ANKRD13B: variants seen among roughly 807,000 people sequenced by gnomAD.
ANKRD13B encodes the protein ankyrin repeat domain 13B.
Under a neutral mutation model 74.4 loss-of-function variants are expected in ANKRD13B, and 33 were observed. That is an observed-to-expected ratio of 0.44 (90% CI 0.34 to 0.59). The LOEUF is 0.59. Among genes scored for constraint, ANKRD13B ranks in the 20% least tolerant of loss-of-function variants. The pLI is 0.02. For missense variants in ANKRD13B, 676 were observed against 877.9 expected, an observed-to-expected ratio of 0.77 and a Z score of 2.91; for synonymous variants, 341 against 362.9, an observed-to-expected ratio of 0.94 and a Z score of 0.68.
chr17:29,609,129 G>A lies in ANKRD13B; in HGVS notation c.609G>A (p.Val203=), dbSNP rs764926539. 1.9e-6 allele frequency: 3 copies of A among 1,612,016 alleles called. No homozygotes were observed. In the South Asian group the frequency reaches 3.3e-5, roughly 18 times the overall value. ...TGGAGATTGACCACGACCGCCGGGT[G>A]GTGTACACAGAGACTCTGGCACTGG... The part of the protein sequence containing the change: ...VVMEIDHDRR[V]VYTETLALAG... The change falls in exon 6 of 15, where the codon GTG becomes GTA. Residue 203 remains valine (V), a synonymous_variant. Coordinates refer to ENST00000394859, the MANE Select transcript of ANKRD13B (RefSeq NM_152345.5). The surrounding 1 kb of genome is among the most constrained non-coding windows in gnomAD (Gnocchi z 4.0).
At chr17:29,610,831 T>G in intron 8 of ANKRD13B, 65 bp downstream of exon 8, 1 of 1,496,580 alleles carries the variant, frequency 6.7e-7, no homozygotes, top group Non-Finnish European at 9.2e-7. Context: ...CCCACTTCAG[T>G]GCTTCCATCA....
rs147140187 is a variant in ANKRD13B, at chr17:29,607,645, G to T, written c.115-97G>T. ...TGGTGAGGCAGAGCAGCCCCAGCAG[G>T]GGGTGGGGGTTGCTGCCTGCTCCAG... On this transcript the variant is annotated intron_variant, in intron 1 of 14. Coordinates refer to ENST00000394859, the MANE Select transcript of ANKRD13B (RefSeq NM_152345.5). The T allele has an allele frequency of 7.4e-6, 11 of 1,477,430 alleles. No individual in the cohort carries two copies. The African/African-American group carries it at 1.1e-4, about 15-fold the overall frequency. The allele number at this position is 1,477,430 out of a possible 1,614,324, so 91.5% of individuals were successfully genotyped here.
chr17:29,597,551 G>A (rs964352650), intron 1 of ANKRD13B, among the ~76,000 whole-genome samples: 35 of 152,078 alleles, frequency 2.3e-4, no homozygotes, highest in African/African-American at 7.7e-4. Context: ...AGGAATCTCC[G>A]TTCTCTTGGT....
chr17:29,606,443 A>G (rs1177545731), intron 1 of ANKRD13B, among the ~76,000 whole-genome samples: 1 of 151,752 alleles, frequency 6.6e-6, no homozygotes, highest in East Asian at 2.0e-4. Context: ...CTGTAATCCC[A>G]GCTACTCAGA....
chr17:29,613,425 G>T lies in ANKRD13B; in HGVS notation c.1724G>T (p.Gly575Val). The change falls in exon 15 of 15, where the codon GGG becomes GTG. Residue 575 changes from glycine (G) to valine (V), a missense_variant. This residue lies in a region of ANKRD13B where 108 missense variants were observed against 90.3 expected (regional missense o/e 1.20). Coordinates refer to ENST00000394859, the MANE Select transcript of ANKRD13B (RefSeq NM_152345.5). The stretch of plus-strand genomic sequence containing the variant: ...GTGCCCAGCCCTCGGCCCAGCTCAG[G>T]GCCAGGTTCCGGCGGCCACGTGTTC... ...ASVPSPRPSS[G>V]PGSGGHVFRS... 1 of 1,528,372 alleles carries T rather than the reference G, an allele frequency of 6.5e-7. No individual in the cohort carries two copies. 94.7% of individuals were successfully genotyped at this position (1,528,372 alleles called of 1,614,324 possible).
At chr17:29,605,003 C>T (rs1310878123) in intron 1 of ANKRD13B, among the ~76,000 whole-genome samples, 2 of 152,198 alleles carry the variant, frequency 1.3e-5, no homozygotes, top group African/African-American at 4.8e-5. Context: ...TTGGTGAGCT[C>T]TGAGAATTTA....
Position 29,611,231 on chromosome 17 carries a change from A to C in ANKRD13B, c.905-348A>C, listed in dbSNP as rs532133818. Reference sequence around the variant, plus strand: ...GAACAACATGAAATCATGCCTATGGAAGTGCCTGAAGCAAACACACACACG... The same window carrying C: ...GAACAACATGAAATCATGCCTATGGCAGTGCCTGAAGCAAACACACACACG... On this transcript the variant is annotated intron_variant, in intron 8 of 14. Transcript: ENST00000394859. The surrounding 1 kb of genome is among the most constrained non-coding windows in gnomAD (Gnocchi z 4.3). Among the ~76,000 whole-genome samples the C allele has an allele frequency of 5.3e-5, 8 of 152,300 alleles. No individual in the cohort carries two copies. The South Asian group carries it at 8.3e-4, about 16-fold the overall frequency.
chr17:29,609,664 A>G lies in ANKRD13B; in HGVS notation c.822+243A>G, dbSNP rs116395945. Among the ~76,000 whole-genome samples the G allele has an allele frequency of 0.043, 6,566 of 152,316 alleles. 211 individuals are homozygous for G. Among genetic ancestry groups the G allele is most frequent in the African/African-American group, 0.089 (3,681 of 41,572 alleles). On this transcript the variant is annotated intron_variant, in intron 7 of 14. Coordinates refer to ENST00000394859, the MANE Select transcript of ANKRD13B (RefSeq NM_152345.5). This position sits in a 1 kb window ranked among gnomAD's most constrained non-coding sequence, Gnocchi z 4.0. ...ATTCCTCACAGCAACCCTTTCTGGT[A>G]GGTGCTGTTCTGTTAGTATTCCCAT...
Position 29,613,599 on chromosome 17 carries a change from C to G in ANKRD13B, c.*17C>G. Reference sequence around the variant, plus strand: ...GAGCAGTAGCGCCCCCTGCCGGGACCCTCGCCAGCGCCACGCGCGCCACGC... The same window carrying G: ...GAGCAGTAGCGCCCCCTGCCGGGACGCTCGCCAGCGCCACGCGCGCCACGC... On this transcript the variant is annotated 3_prime_UTR_variant, in exon 15 of 15. Transcript: ENST00000394859. 7.1e-7 allele frequency: 1 copy of G among 1,408,852 alleles called. No individual in the cohort carries two copies. The highest frequency in any genetic ancestry group is 9.3e-7 in the Non-Finnish European group (1 of 1,079,578). 87.3% of individuals were successfully genotyped at this position (1,408,852 alleles called of 1,614,324 possible). A position where few individuals can be genotyped will look rare whatever the true frequency, so the allele number is the denominator to read the frequency against.
chr17:29,610,025 T>C (rs2034524234), intron 7 of ANKRD13B, among the ~76,000 whole-genome samples: 2 of 152,000 alleles, frequency 1.3e-5, no homozygotes, highest in Non-Finnish European at 2.9e-5. Flanking sequence ...ACCCCGTCTC[T>C]ACTAACAATA....
chr17:29,613,323 G>A, intron 14 of ANKRD13B, 31 bp from the exon 15 acceptor site: 3 of 1,400,660 alleles, frequency 2.1e-6, no homozygotes, highest in Non-Finnish European at 2.8e-6. Context: ...GGTGCGCCCG[G>A]GAGCCCGCGA....
intron 1 of ANKRD13B, among the ~76,000 whole-genome samples, chr17:29,601,056 T>G (rs111430893): frequency 4.0e-5 from 6 of 149,698 alleles, no homozygotes; most frequent in African/African-American, 1.2e-4. Flanking sequence ...TCCCAGTAGC[T>G]GGGACGATAG....
At chr17:29,600,922 CTTTTTT>C (rs35831588) in intron 1 of ANKRD13B, among the ~76,000 whole-genome samples, 2,215 of 125,684 alleles carry the variant, frequency 0.018, 28 homozygotes, top group South Asian at 0.059. Context: ...ATTTTACTGA[CTTTTTT>C]TTTTTTTTTT....
At position 29,593,204 on chromosome 17, in the gene ANKRD13B, G is replaced by T. The variant is rs2033827707; in HGVS notation, c.-418G>T. ...GGGCTGAGGGCCGGGCTATGCAGCT[G>T]TGGGGACCCGGGGGCTGCGGGCGCG... On this transcript the variant is annotated 5_prime_UTR_variant, in exon 1 of 15. Transcript: ENST00000394859. 6.6e-6 allele frequency among the ~76,000 whole-genome samples: 1 copy of T among 151,118 alleles called. No homozygotes were observed. The highest frequency in any genetic ancestry group is 1.5e-5 in the Non-Finnish European group (1 of 67,630).
intron 1 of ANKRD13B, among the ~76,000 whole-genome samples, chr17:29,600,479 G>A (rs2034130943): frequency 6.6e-6 from 1 of 152,086 alleles, no homozygotes; most frequent in South Asian, 2.1e-4. Context: ...ACGGATCACT[G>A]GCTTTCAGCA....
In ANKRD13B at chr17:29,611,502, G is replaced by C; in HGVS notation, c.905-77G>C. 6.7e-7 allele frequency: 1 copy of C among 1,494,706 alleles called. No individual in the cohort carries two copies. The highest frequency in any genetic ancestry group is 1.1e-5 in the South Asian group (1 of 88,270). 92.6% of individuals were successfully genotyped at this position (1,494,706 alleles called of 1,614,324 possible). On this transcript the variant is annotated intron_variant, in intron 8 of 14. Coordinates refer to ENST00000394859, the MANE Select transcript of ANKRD13B (RefSeq NM_152345.5). The surrounding 1 kb of genome is among the most constrained non-coding windows in gnomAD (Gnocchi z 4.3). ...GGAACCGGCCTCCTCCCTAGGTCTT[G>C]GGTGCTGTCACCTCTGATGAGGTGC... is the stretch of plus-strand genomic sequence containing the variant.
Position 29,608,502 on chromosome 17 carries a change from C to A in ANKRD13B, c.421+262C>A, listed in dbSNP as rs1431786809. The A allele has an allele frequency of 5.1e-6, 3 of 582,650 alleles. No individual in the cohort carries two copies. Among genetic ancestry groups the A allele is most frequent in the Non-Finnish European group, 9.0e-6 (3 of 333,076 alleles). The allele number at this position is 582,650 out of a possible 1,614,324, so 36.1% of individuals were successfully genotyped here. A position where few individuals can be genotyped will look rare whatever the true frequency, so the allele number is the denominator to read the frequency against. On this transcript the variant is annotated intron_variant, in intron 4 of 14. Transcript: ENST00000394859. This position sits in a 1 kb window ranked among gnomAD's most constrained non-coding sequence, Gnocchi z 6.4. Reference sequence around the variant, plus strand: ...TGTTAGAAGGTAAGCTCTGAGAGGGCAGGAGTCCTGTCTTTTTCACTGTTG... The same window carrying A: ...TGTTAGAAGGTAAGCTCTGAGAGGGAAGGAGTCCTGTCTTTTTCACTGTTG...
At chr17:29,602,993 G>A (rs913455831) in intron 1 of ANKRD13B, among the ~76,000 whole-genome samples, 5 of 152,058 alleles carry the variant, frequency 3.3e-5, no homozygotes, top group African/African-American at 1.2e-4. Context: ...TGGGACTACA[G>A]GTGCCCACCA....
At position 29,609,480 on chromosome 17, in the gene ANKRD13B, C is replaced by T; in HGVS notation, c.822+59C>T. 1.3e-6 allele frequency: 2 copies of T among 1,589,992 alleles called. No homozygotes were observed. Among genetic ancestry groups the T allele is most frequent in the Non-Finnish European group, 1.7e-6 (2 of 1,163,314 alleles). On this transcript the variant is annotated intron_variant, in intron 7 of 14. Transcript: ENST00000394859. The surrounding 1 kb of genome is among the most constrained non-coding windows in gnomAD (Gnocchi z 4.0). ...GCACTCTTGCCTACAGCAAGCTGTA[C>T]AGGGGATTCTGACCTCCCTTCCCCA... is the stretch of plus-strand genomic sequence containing the variant.
Sources: gnomAD v4.1 joint callset for allele counts (sites outside exome capture counted in the v4.1 genomes callset) on GRCh38, gnomAD v4.1.1 for gene constraint, gnomAD v4.1.1 regional missense constraint, Gnocchi (gnomAD v3.1) non-coding constraint, MANE v1.5 for transcripts, NCBI Gene and HGNC (gene_info 2026-07-23, HGNC 2026-07-21) for gene names.